Variants in BAG2 observed in about 807,000 individuals in gnomAD.
The protein encoded by BAG2 is BAG family molecular chaperone regulator 2.
BAG2 carries 8 observed loss-of-function variants against 16.4 expected under a neutral mutation model. The observed-to-expected ratio is 0.49, with a 90% CI of 0.29 to 0.88. The LOEUF (loss-of-function observed/expected upper bound fraction) is 0.88, where lower values mean the gene tolerates loss of function less well. BAG2 is among the 40% of genes least tolerant of loss of function. BAG2 has a pLI of 0.09. For missense variants in BAG2, 218 were observed against 248.9 expected, an observed-to-expected ratio of 0.88 and a Z score of 0.84; for synonymous variants, 82 against 89.2, an observed-to-expected ratio of 0.92 and a Z score of 0.46.
rs1764682178 is a variant in BAG2 at position 57,188,150 on chromosome 6, ATAAAAT to A, written c.*3965_*3970del. 6.6e-6 allele frequency: 1 copy of A among 152,202 alleles called. No homozygotes were observed. Among genetic ancestry groups the A allele is most frequent in the Non-Finnish European group, 1.5e-5 (1 of 68,012 alleles). 9.4% of individuals were successfully genotyped at this position (152,202 alleles called of 1,614,324 possible). ...GTTTTTCTTTAGTATACATGGTTTC[ATAAAAT>A]TAAAGTTATTTAAGAGAATGAAGGG... On this transcript the variant is annotated 3_prime_UTR_variant, in exon 3 of 3. Coordinates refer to ENST00000370693, the MANE Select transcript of BAG2 (RefSeq NM_004282.4).
rs1491104486 is a variant in BAG2 at position 57,188,679 on chromosome 6, T to TATCA, written c.*4490_*4493dup. On this transcript the variant is annotated 3_prime_UTR_variant, in exon 3 of 3. Transcript: ENST00000370693. ...ATTTTGCCCCCAAAACCTATGTCAC[T>TATCA]ATCAGCAATGGGAGTGGTGACAACT... 2.0e-5 allele frequency: 3 copies of TATCA among 152,212 alleles called. No individual in the cohort carries two copies. The highest frequency in any genetic ancestry group is 6.5e-5 in the Admixed American group (1 of 15,284). The allele number at this position is 152,212 out of a possible 1,614,324, so 9.4% of individuals were successfully genotyped here.
chr6:57,189,668 GCTTA>G lies in BAG2; in HGVS notation c.*5481_*5484del, dbSNP rs1764758369. The G allele has an allele frequency of 6.6e-6, 1 of 152,528 alleles. No homozygotes were observed. The highest frequency in any genetic ancestry group is 2.4e-5 in the African/African-American group (1 of 41,388). The allele number at this position is 152,528 out of a possible 1,614,324, so 9.4% of individuals were successfully genotyped here. ...TTATCTACGCTGTCAGATGAAAACT[GCTTA>G]CTGCTTTTAAAAGATATAATAAACA... On this transcript the variant is annotated 3_prime_UTR_variant, in exon 3 of 3. Coordinates refer to ENST00000370693, the MANE Select transcript of BAG2 (RefSeq NM_004282.4).
chr6:57,176,292 A>C (rs1764283593), intron 1 of BAG2, among the ~76,000 whole-genome samples: 3 of 152,214 alleles, frequency 2.0e-5, no homozygotes, highest in Admixed American at 2.0e-4. Flanking sequence ...GTAAACTCCA[A>C]ATTTGAACCC....
intron 1 of BAG2, among the ~76,000 whole-genome samples, chr6:57,180,794 T>A (rs1764417697): frequency 6.7e-6 from 1 of 150,158 alleles, no homozygotes. Context: ...ATTGATCGCA[T>A]CAAAATAAGA....
At chr6:57,174,352 A>C (rs769930614) in intron 1 of BAG2, 13 of 1,304,254 alleles carry the variant, frequency 1.0e-5, no homozygotes, top group Non-Finnish European at 1.2e-5. Context: ...CCTTCCTTCA[A>C]GCTGAGTCAT....
At position 57,185,181 on chromosome 6, in the gene BAG2, T is replaced by C. The variant is rs896047465; in HGVS notation, c.*991T>C. On this transcript the variant is annotated 3_prime_UTR_variant, in exon 3 of 3. Coordinates refer to ENST00000370693, the MANE Select transcript of BAG2 (RefSeq NM_004282.4). ...ATAAAGGTTACAGCAATTTATACTTTTTTCAGTAATTAAAATATAGCTATT... is the reference window on the plus strand; with the variant it reads ...ATAAAGGTTACAGCAATTTATACTTCTTTCAGTAATTAAAATATAGCTATT... The C allele has an allele frequency of 2.6e-5, 4 of 152,238 alleles. No individual in the cohort carries two copies. Among genetic ancestry groups the C allele is most frequent in the African/African-American group, 9.6e-5 (4 of 41,458 alleles). 9.4% of individuals were successfully genotyped at this position (152,238 alleles called of 1,614,324 possible). A position where few individuals can be genotyped will look rare whatever the true frequency, so the allele number is the denominator to read the frequency against.
At position 57,187,388 on chromosome 6, in the gene BAG2, CTTA is replaced by C. The variant is rs1170580396; in HGVS notation, c.*3199_*3201del. 1.3e-5 allele frequency: 2 copies of C among 152,060 alleles called. No homozygotes were observed. Among genetic ancestry groups the C allele is most frequent in the African/African-American group, 4.8e-5 (2 of 41,394 alleles). The allele number at this position is 152,060 out of a possible 1,614,324, so 9.4% of individuals were successfully genotyped here. On this transcript the variant is annotated 3_prime_UTR_variant, in exon 3 of 3. Transcript: ENST00000370693. ...ATGAATTCATCTGTATGATGAGAGACTTACATGTTTTATAGCTGAAAACCTAAG... is the reference window on the plus strand; with the variant it reads ...ATGAATTCATCTGTATGATGAGAGACCATGTTTTATAGCTGAAAACCTAAG...
intron 1 of BAG2, among the ~76,000 whole-genome samples, chr6:57,174,840 T>C (rs1276992113): frequency 1.3e-5 from 2 of 152,220 alleles, no homozygotes; most frequent in Non-Finnish European, 2.9e-5. Flanking sequence ...TAGTTTGATT[T>C]TGTTGACTAA....
Position 57,184,895 on chromosome 6 carries a change from A to G in BAG2, c.*705A>G, listed in dbSNP as rs1326619327. On this transcript the variant is annotated 3_prime_UTR_variant, in exon 3 of 3. Transcript: ENST00000370693. Reference sequence around the variant, plus strand: ...ATATTGTAACTTGCCTTTTTTTAAAAAAGTTAGATGCTGATATAAAGTCTG... The same window carrying G: ...ATATTGTAACTTGCCTTTTTTTAAAGAAGTTAGATGCTGATATAAAGTCTG... 1 of 152,434 alleles carries G rather than the reference A, an allele frequency of 6.6e-6. No homozygotes were observed. Among genetic ancestry groups the G allele is most frequent in the African/African-American group, 2.4e-5 (1 of 41,450 alleles). 9.4% of individuals were successfully genotyped at this position (152,434 alleles called of 1,614,324 possible).
intron 1 of BAG2, chr6:57,173,629 C>A: frequency 1.6e-6 from 1 of 618,886 alleles, no homozygotes; most frequent in Non-Finnish European, 2.0e-6. Flanking sequence ...TTTGGAAAGA[C>A]TTTAACGGTG....
rs1764585722 is a variant in BAG2 at position 57,185,107 on chromosome 6, A to G, written c.*917A>G. 1 of 152,172 alleles carries G rather than the reference A, an allele frequency of 6.6e-6. No homozygotes were observed. The highest frequency in any genetic ancestry group is 2.4e-5 in the African/African-American group (1 of 41,442). The allele number at this position is 152,172 out of a possible 1,614,324, so 9.4% of individuals were successfully genotyped here. On this transcript the variant is annotated 3_prime_UTR_variant, in exon 3 of 3. Coordinates refer to ENST00000370693, the MANE Select transcript of BAG2 (RefSeq NM_004282.4). Reference sequence around the variant, plus strand: ...GCCCAGCAGTGAATTATATTGGGTCAAAGGATATAGACGTTTTCATGGCCT... The same window carrying G: ...GCCCAGCAGTGAATTATATTGGGTCGAAGGATATAGACGTTTTCATGGCCT...
rs759501055 is a variant in BAG2, at chr6:57,183,985, C to T, written c.431C>T (p.Ser144Phe). Residue 144 changes from serine (S) to phenylalanine (F), a missense_variant, in exon 3 of 3, where the codon TCT becomes TTT. Ser to Phe is a radical substitution (Grantham distance 155, BLOSUM62 -2). This residue lies in a region of BAG2 where 113 missense variants were observed against 128.0 expected (regional missense o/e 0.88). Transcript: ENST00000370693. ...HLMSLYSACS[S>F]EVPHGPVDQK... ...ATGTCGCTCTACAGTGCATGTTCAT[C>T]TGAGGTGCCACATGGGCCAGTTGAT... 6.2e-7 allele frequency: 1 copy of T among 1,613,028 alleles called. No homozygotes were observed. The highest frequency in any genetic ancestry group is 8.5e-7 in the Non-Finnish European group (1 of 1,179,706).
Position 57,172,644 on chromosome 6 carries a change from C to G in BAG2, c.-54C>G, listed in dbSNP as rs1437764237. 1.4e-6 allele frequency: 2 copies of G among 1,395,128 alleles called. No individual in the cohort carries two copies. Among genetic ancestry groups the G allele is most frequent in the African/African-American group, 1.5e-5 (1 of 66,576 alleles). The allele number at this position is 1,395,128 out of a possible 1,614,324, so 86.4% of individuals were successfully genotyped here. On this transcript the variant is annotated 5_prime_UTR_variant, in exon 1 of 3. Transcript: ENST00000370693. ...CCTGCAGCCCAAGGAGCGCTCCACT[C>G]GCTGCCGCCGGAGGGGCCGGTGACC...
At chr6:57,178,747 G>A (rs1378797917) in intron 1 of BAG2, among the ~76,000 whole-genome samples, 1 of 146,952 alleles carries the variant, frequency 6.8e-6, no homozygotes, top group Non-Finnish European at 1.5e-5. Flanking sequence ...TAATGCCCTG[G>A]TAATTTCTAT....
chr6:57,172,486 G>C lies in BAG2; in HGVS notation c.-212G>C, dbSNP rs1341287733. 1 of 394,588 alleles carries C rather than the reference G, an allele frequency of 2.5e-6. No homozygotes were observed. The highest frequency in any genetic ancestry group is 2.1e-5 in the African/African-American group (1 of 47,296). 24.4% of individuals were successfully genotyped at this position (394,588 alleles called of 1,614,324 possible). On this transcript the variant is annotated 5_prime_UTR_variant, in exon 1 of 3. Coordinates refer to ENST00000370693, the MANE Select transcript of BAG2 (RefSeq NM_004282.4). ...GCCGCTGCAGCCCCCTCCCAGGCCCGGCGTCCCCGAGCCCCGCGGGCGCCG... is the reference window on the plus strand; with the variant it reads ...GCCGCTGCAGCCCCCTCCCAGGCCCCGCGTCCCCGAGCCCCGCGGGCGCCG...
At position 57,187,620 on chromosome 6, in the gene BAG2, CA is replaced by C. The variant is rs2127994655; in HGVS notation, c.*3432del. ...TTTTGAAAAGTATGCTAATAATTAA[CA>C]ATATCTTATATTAAAAGGGTCCAAC... On this transcript the variant is annotated 3_prime_UTR_variant, in exon 3 of 3. Transcript: ENST00000370693. The C allele has an allele frequency of 6.6e-6, 1 of 152,260 alleles. No homozygotes were observed. The highest frequency in any genetic ancestry group is 2.4e-5 in the African/African-American group (1 of 41,558). The allele number at this position is 152,260 out of a possible 1,614,324, so 9.4% of individuals were successfully genotyped here. A position where few individuals can be genotyped will look rare whatever the true frequency, so the allele number is the denominator to read the frequency against.
Position 57,189,648 on chromosome 6 carries a change from T to C in BAG2, c.*5458T>C, listed in dbSNP as rs1764756911. The C allele has an allele frequency of 2.0e-5, 3 of 152,616 alleles. No individual in the cohort carries two copies. The highest frequency in any genetic ancestry group is 7.2e-5 in the African/African-American group (3 of 41,440). The allele number at this position is 152,616 out of a possible 1,614,324, so 9.5% of individuals were successfully genotyped here. A position where few individuals can be genotyped will look rare whatever the true frequency, so the allele number is the denominator to read the frequency against. ...CAAATTCCTATACTCCTCTTTTATCTACGCTGTCAGATGAAAACTGCTTAC... is the reference window on the plus strand; with the variant it reads ...CAAATTCCTATACTCCTCTTTTATCCACGCTGTCAGATGAAAACTGCTTAC... On this transcript the variant is annotated 3_prime_UTR_variant, in exon 3 of 3. Coordinates refer to ENST00000370693, the MANE Select transcript of BAG2 (RefSeq NM_004282.4).
At position 57,184,561 on chromosome 6, in the gene BAG2, A is replaced by C. The variant is rs1427554461; in HGVS notation, c.*371A>C. 1 of 160,656 alleles carries C rather than the reference A, an allele frequency of 6.2e-6. No homozygotes were observed. Among genetic ancestry groups the C allele is most frequent in the Non-Finnish European group, 1.4e-5 (1 of 73,512 alleles). 10.0% of individuals were successfully genotyped at this position (160,656 alleles called of 1,614,324 possible). On this transcript the variant is annotated 3_prime_UTR_variant, in exon 3 of 3. Coordinates refer to ENST00000370693, the MANE Select transcript of BAG2 (RefSeq NM_004282.4). ...TCACCTTGGGCATTTAGTTTACTAG[A>C]AATTCTTTACCTTAAGCAGCACACA...
intron 2 of BAG2, 102 bp downstream of exon 2, chr6:57,182,243 C>A: frequency 1.2e-6 from 1 of 822,864 alleles, no homozygotes; most frequent in Non-Finnish European, 1.9e-6. Flanking sequence ...ATGCGTACAC[C>A]AGGCCACAGC....
Sources: gnomAD v4.1 joint callset for allele counts (sites outside exome capture counted in the v4.1 genomes callset) on GRCh38, gnomAD v4.1.1 for gene constraint, gnomAD v4.1.1 regional missense constraint, MANE v1.5 for transcripts, NCBI Gene and HGNC (gene_info 2026-07-23, HGNC 2026-07-21) for gene names.